Variants in RGL1 observed in about 807,000 individuals in gnomAD.
The protein encoded by RGL1 is ral guanine nucleotide dissociation stimulator like 1, also known as ral guanine nucleotide dissociation stimulator-like 1.
Under a neutral mutation model 95.2 loss-of-function variants are expected in RGL1, and 24 were observed. The ratio of observed to expected loss-of-function variants is 0.25; its 90% CI spans 0.18 to 0.35. The LOEUF (loss-of-function observed/expected upper bound fraction) is 0.35, where lower values mean the gene tolerates loss of function less well. Ranked by LOEUF, RGL1 falls within the 10% of genes least tolerant of loss-of-function variation. The probability of loss-of-function intolerance (pLI) is 1.00; values close to 1 mark genes in which losing one functional copy is unlikely to be tolerated. For synonymous variants in RGL1, 329 were observed against 344.9 expected, an observed-to-expected ratio of 0.95 and a Z score of 0.51; for missense variants, 715 against 936.3, an observed-to-expected ratio of 0.76 and a Z score of 3.08.
At chr1:183,767,330 A>G (rs1181030478) in intron 2 of RGL1, among the ~76,000 whole-genome samples, 1 of 152,122 alleles carries the variant, frequency 6.6e-6, no homozygotes, top group Non-Finnish European at 1.5e-5. Context: ...AATAAATGAA[A>G]ATTAAAAGCA....
At chr1:183,663,551 AG>A (rs1465608385) in intron 1 of RGL1, among the ~76,000 whole-genome samples, 2 of 152,114 alleles carry the variant, frequency 1.3e-5, no homozygotes, top group African/African-American at 4.8e-5. Context: ...ATCATTAAAA[AG>A]TCAGGAAACA....
chr1:183,654,352 T>G (rs1463691974), intron 1 of RGL1, among the ~76,000 whole-genome samples: 1 of 152,238 alleles, frequency 6.6e-6, no homozygotes, highest in Non-Finnish European at 1.5e-5. Flanking sequence ...TTTTTCTCAT[T>G]GCTTGCATCT....
chr1:183,761,390 C>T (rs1342910791), intron 2 of RGL1, among the ~76,000 whole-genome samples: 1 of 152,206 alleles, frequency 6.6e-6, no homozygotes, highest in African/African-American at 2.4e-5. Flanking sequence ...ACATCTCTGG[C>T]TCTTGGGTGA....
At chr1:183,830,544 G>C (rs1209405589) in intron 2 of RGL1, among the ~76,000 whole-genome samples, 2 of 152,032 alleles carry the variant, frequency 1.3e-5, no homozygotes, top group Admixed American at 6.6e-5. Flanking sequence ...CCCACTCTCT[G>C]TTTTCGAAGC....
At chr1:183,884,660 T>G in intron 6 of RGL1, 63 bp from the exon 7 acceptor site, 5 of 1,387,570 alleles carry the variant, frequency 3.6e-6, no homozygotes, top group East Asian at 2.3e-5. Flanking sequence ...ATGACCCAGA[T>G]GACATGCTTT....
intron 8 of RGL1, 77 bp from the exon 9 acceptor site, chr1:183,892,000 C>T (rs1667451806): frequency 1.8e-6 from 2 of 1,103,696 alleles, no homozygotes; most frequent in Admixed American, 3.8e-5. Flanking sequence ...GACATGAGTC[C>T]TGAGGACAGC....
intron 1 of RGL1, among the ~76,000 whole-genome samples, chr1:183,669,719 C>G (rs12039168): frequency 0.072 from 10,878 of 152,122 alleles, 665 homozygotes; most frequent in African/African-American, 0.17. Flanking sequence ...CCTGAGACTG[C>G]GTAATTTATA....
At position 183,805,209 on chromosome 1, in the gene RGL1, G is replaced by A; in HGVS notation, c.-89G>A. 6.4e-7 allele frequency: 1 copy of A among 1,551,384 alleles called. No homozygotes were observed. The highest frequency in any genetic ancestry group is 8.7e-7 in the Non-Finnish European group (1 of 1,147,508). On this transcript the variant is annotated 5_prime_UTR_variant, in exon 1 of 18. Coordinates refer to ENST00000360851, the MANE Select transcript of RGL1 (RefSeq NM_001297671.3). ...CGCTCGGGACCGGGACCGGGGCGAG[G>A]CGCCGCGGGGCTGAGCCCAGCAGAC...
intron 2 of RGL1, among the ~76,000 whole-genome samples, chr1:183,845,286 A>G (rs1664344117): frequency 6.6e-6 from 1 of 152,232 alleles, no homozygotes. Flanking sequence ...CAGTTTCCTT[A>G]GTGCCTATGA....
chr1:183,767,967 T>C lies in RGL1; in HGVS notation c.132+25678T>C, dbSNP rs150676349. On this transcript the variant is annotated intron_variant, in intron 2 of 18. Coordinates refer to the RGL1 transcript ENST00000304685. Reference sequence around the variant, plus strand: ...GACTCCGTCTCAAAGAAAAAAAAAATTGCCCAACTGCCATGTATTTCTTTA... The same window carrying C: ...GACTCCGTCTCAAAGAAAAAAAAAACTGCCCAACTGCCATGTATTTCTTTA... 5.8e-3 allele frequency among the ~76,000 whole-genome samples: 854 copies of C among 147,402 alleles called. 11 individuals are homozygous for C. The highest frequency in any genetic ancestry group is 0.02 in the African/African-American group (811 of 40,672).
At chr1:183,656,045 G>A (rs1453555902) in intron 1 of RGL1, among the ~76,000 whole-genome samples, 1 of 151,774 alleles carries the variant, frequency 6.6e-6, no homozygotes, top group Non-Finnish European at 1.5e-5. Flanking sequence ...TGCTAAATGT[G>A]ACATAAACTA....
chr1:183,808,258 C>T (rs945944669), intron 2 of RGL1, among the ~76,000 whole-genome samples: 2 of 152,232 alleles, frequency 1.3e-5, no homozygotes, highest in African/African-American at 4.8e-5. Flanking sequence ...TCTCTCCCTT[C>T]TCTCAGTGTT....
intron 1 of RGL1, among the ~76,000 whole-genome samples, chr1:183,650,400 A>G (rs1650643005): frequency 6.6e-6 from 1 of 152,164 alleles, no homozygotes; most frequent in East Asian, 1.9e-4. Context: ...AAAATTAGCC[A>G]GGTGTGGTGG....
intron 1 of RGL1, among the ~76,000 whole-genome samples, chr1:183,696,479 T>G (rs1368207406): frequency 6.6e-6 from 1 of 152,158 alleles, no homozygotes; most frequent in South Asian, 2.1e-4. Context: ...TTTGTCTTAA[T>G]GTTTCTTCAC....
intron 1 of RGL1, among the ~76,000 whole-genome samples, chr1:183,656,934 T>C (rs1452825871): frequency 6.6e-6 from 1 of 151,590 alleles, no homozygotes; most frequent in African/African-American, 2.4e-5. Flanking sequence ...AACTACCCAA[T>C]GTTTGCTTTA....
At chr1:183,866,739 G>T (rs1220843773) in intron 4 of RGL1, among the ~76,000 whole-genome samples, 1 of 152,192 alleles carries the variant, frequency 6.6e-6, no homozygotes, top group Non-Finnish European at 1.5e-5. Context: ...GAGTGCTGTG[G>T]CCTGACACAT....
At chr1:183,684,770 G>A (rs1319115893) in intron 1 of RGL1, among the ~76,000 whole-genome samples, 2 of 152,230 alleles carry the variant, frequency 1.3e-5, no homozygotes, top group African/African-American at 4.8e-5. Context: ...CATGGGAAAA[G>A]CGTAGTGTCT....
At chr1:183,728,796 C>A (rs1451853805) in intron 1 of RGL1, among the ~76,000 whole-genome samples, 1 of 152,138 alleles carries the variant, frequency 6.6e-6, no homozygotes, top group Non-Finnish European at 1.5e-5. Flanking sequence ...ACACATAGAT[C>A]AATTAAACAC....
At chr1:183,676,660 G>T (rs945987225) in intron 1 of RGL1, among the ~76,000 whole-genome samples, 8 of 147,834 alleles carry the variant, frequency 5.4e-5, no homozygotes, top group Admixed American at 4.6e-4. Context: ...GAAGTGATTA[G>T]ATCGATGAGG....
Sources: gnomAD v4.1 joint callset for allele counts (sites outside exome capture counted in the v4.1 genomes callset) on GRCh38, gnomAD v4.1.1 for gene constraint, MANE v1.5 for transcripts, NCBI Gene and HGNC (gene_info 2026-07-23, HGNC 2026-07-21) for gene names.